Variants in AIG1 observed in about 807,000 individuals in gnomAD.
The protein encoded by AIG1 is androgen induced 1.
In AIG1, 23 loss-of-function variants were observed where a neutral mutation model predicts 31.4. The observed-to-expected ratio is 0.73, with a 90% CI of 0.53 to 1.04. AIG1 has a LOEUF of 1.04. AIG1 is among the 50% of genes least tolerant of loss of function. AIG1 has a pLI of 0.00. For missense variants in AIG1, 274 were observed against 295.0 expected, an observed-to-expected ratio of 0.93 and a Z score of 0.52; for synonymous variants, 100 against 110.5, an observed-to-expected ratio of 0.90 and a Z score of 0.60.
At chr6:143,102,752 A>C (rs1259590311) in intron 1 of AIG1, among the ~76,000 whole-genome samples, 1 of 151,964 alleles carries the variant, frequency 6.6e-6, no homozygotes, top group African/African-American at 2.4e-5. Flanking sequence ...TGACTTAATA[A>C]AATTAAAAAG....
In AIG1 at chr6:143,287,748, A is replaced by C. The variant is rs905824904; in HGVS notation, c.515+3523A>C. ...ATGCCTGACTACAGTAAAAAAAAAA[A>C]AAAAAAAAAAAAAAAATCTATATTT... On this transcript the variant is annotated intron_variant, in intron 4 of 5. Coordinates refer to ENST00000357847, the MANE Select transcript of AIG1 (RefSeq NM_016108.4). Among the ~76,000 whole-genome samples the C allele has an allele frequency of 6.3e-4, 95 of 150,796 alleles. No homozygotes were observed. In the South Asian group the frequency reaches 0.014, roughly 22 times the overall value.
intron 1 of AIG1, among the ~76,000 whole-genome samples, chr6:143,076,821 AC>A (rs1317713942): frequency 4.6e-5 from 7 of 151,484 alleles, no homozygotes; most frequent in Admixed American, 4.6e-4. Context: ...GCAGGCACCT[AC>A]CACCACGCCC....
At chr6:143,125,731 G>A (rs577705148) in intron 1 of AIG1, among the ~76,000 whole-genome samples, 1 of 152,280 alleles carries the variant, frequency 6.6e-6, no homozygotes, top group African/African-American at 2.4e-5. Flanking sequence ...TCTTTAGACG[G>A]TTGTTGTTCT....
intron 2 of AIG1, among the ~76,000 whole-genome samples, chr6:143,153,782 T>C (rs1239232005): frequency 6.6e-6 from 1 of 152,174 alleles, no homozygotes; most frequent in Non-Finnish European, 1.5e-5. Context: ...GCCTTTAGTT[T>C]CTTCTAGAAT....
At chr6:143,072,618 G>A (rs1262895415) in intron 1 of AIG1, among the ~76,000 whole-genome samples, 1 of 151,836 alleles carries the variant, frequency 6.6e-6, no homozygotes, top group Non-Finnish European at 1.5e-5. Flanking sequence ...GATCAGTTGA[G>A]TAAGTTTCTT....
intron 1 of AIG1, among the ~76,000 whole-genome samples, chr6:143,068,204 T>C (rs549152090): frequency 6.6e-6 from 1 of 152,070 alleles, no homozygotes; most frequent in East Asian, 1.9e-4. Context: ...TGGTAACTGC[T>C]CTTGAGGGTT....
rs1797859820 is a variant in AIG1 at position 143,288,732 on chromosome 6, G to A, written c.515+4507G>A. On this transcript the variant is annotated intron_variant, in intron 4 of 5. Coordinates refer to ENST00000357847, the MANE Select transcript of AIG1 (RefSeq NM_016108.4). The surrounding 1 kb of genome is among the most constrained non-coding windows in gnomAD (Gnocchi z 4.4). ...ACCATGGCCCAGGAAACAGTCTCAA[G>A]AGGTCCTGAGAAAGTGTGCCCAAGA... is the stretch of plus-strand genomic sequence containing the variant. Among the ~76,000 whole-genome samples, 1 of 152,198 alleles carries A rather than the reference G, an allele frequency of 6.6e-6. No individual in the cohort carries two copies. Among genetic ancestry groups the A allele is most frequent in the Non-Finnish European group, 1.5e-5 (1 of 68,048 alleles).
At chr6:143,342,429 C>T (rs960235844), downstream of AIG1, 5 of 753,980 alleles carry the variant, frequency 6.6e-6, no homozygotes, top group African/African-American at 8.6e-5. Flanking sequence ...TAAGGTTGAA[C>T]CTCGAAGATC....
In AIG1 at chr6:143,292,975, T is replaced by C. The variant is rs768439759; in HGVS notation, c.515+8750T>C. Reference sequence around the variant, plus strand: ...TAGATCTTTGAAGTTAGATGCTCCTTGTTTAGTTCCCGTCTTCCTCGGGTC... The same window carrying C: ...TAGATCTTTGAAGTTAGATGCTCCTCGTTTAGTTCCCGTCTTCCTCGGGTC... On this transcript the variant is annotated intron_variant, in intron 4 of 5. Transcript: ENST00000357847. The surrounding 1 kb of genome is among the most constrained non-coding windows in gnomAD (Gnocchi z 4.9). Among the ~76,000 whole-genome samples, 1 of 152,212 alleles carries C rather than the reference T, an allele frequency of 6.6e-6. No individual in the cohort carries two copies. Among genetic ancestry groups the C allele is most frequent in the Non-Finnish European group, 1.5e-5 (1 of 68,042 alleles).
chr6:143,314,622 T>C (rs1775581576), intron 4 of AIG1, among the ~76,000 whole-genome samples: 1 of 152,140 alleles, frequency 6.6e-6, no homozygotes, highest in Non-Finnish European at 1.5e-5. Context: ...GCACAGGATC[T>C]ATATGCAATA....
chr6:143,302,934 G>A (rs1026659509), intron 4 of AIG1, among the ~76,000 whole-genome samples: 1 of 152,058 alleles, frequency 6.6e-6, no homozygotes, highest in African/African-American at 2.4e-5. Flanking sequence ...GTGTGAAATG[G>A]TATCTCATTG....
chr6:143,317,724 T>C (rs1057485926), intron 4 of AIG1, among the ~76,000 whole-genome samples: 4 of 148,118 alleles, frequency 2.7e-5, no homozygotes, highest in Middle Eastern at 3.4e-3. Flanking sequence ...GCTGATGATA[T>C]GATTGTATAC....
intron 3 of AIG1, among the ~76,000 whole-genome samples, chr6:143,238,660 T>C (rs1442592406): frequency 2.0e-5 from 3 of 152,184 alleles, no homozygotes; most frequent in Non-Finnish European, 2.9e-5. Context: ...ATAGAGTTGG[T>C]TGGAAGCAGA....
chr6:143,060,862 G>T, upstream of AIG1: 1 of 1,146,864 alleles, frequency 8.7e-7, no homozygotes, highest in Non-Finnish European at 1.1e-6. Flanking sequence ...CCGCCCCCGC[G>T]CGCCCGGCGC....
At chr6:143,175,994 G>T (rs1424288589) in intron 3 of AIG1, among the ~76,000 whole-genome samples, 1 of 152,148 alleles carries the variant, frequency 6.6e-6, no homozygotes, top group Non-Finnish European at 1.5e-5. Flanking sequence ...GGTCCCTCAG[G>T]GTGCTCCCGT....
chr6:143,232,672 T>C (rs577965648), intron 3 of AIG1, among the ~76,000 whole-genome samples: 2 of 152,348 alleles, frequency 1.3e-5, no homozygotes, highest in East Asian at 3.9e-4. Flanking sequence ...CATAACCTGC[T>C]AATAACTGAG....
chr6:143,157,218 T>C (rs1384499222), intron 2 of AIG1, among the ~76,000 whole-genome samples: 1 of 152,232 alleles, frequency 6.6e-6, no homozygotes, highest in Admixed American at 6.5e-5. Context: ...TTTGCCCTGA[T>C]AAAGAGTACT....
chr6:143,226,051 A>G (rs1792920569), intron 3 of AIG1, among the ~76,000 whole-genome samples: 1 of 152,188 alleles, frequency 6.6e-6, no homozygotes, highest in Non-Finnish European at 1.5e-5. Flanking sequence ...CAAAGAGATC[A>G]TTTGTAATTG....
In AIG1 at chr6:143,329,161, A is replaced by G. The variant is rs186715722; in HGVS notation, c.516-4121A>G. Among the ~76,000 whole-genome samples the G allele has an allele frequency of 2.0e-5, 3 of 152,374 alleles. No individual in the cohort carries two copies. Among genetic ancestry groups the G allele is most frequent in the East Asian group, 3.9e-4 (2 of 5,192 alleles). On this transcript the variant is annotated intron_variant, in intron 4 of 5. Coordinates refer to ENST00000357847, the MANE Select transcript of AIG1 (RefSeq NM_016108.4). This position sits in a 1 kb window ranked among gnomAD's most constrained non-coding sequence, Gnocchi z 4.9. ...GATGGTTTGATGACCTAACAAGTTA[A>G]GAAAACCAAACCAAAACAAACAAGA...
Sources: allele counts gnomAD v4.1 joint callset (sites outside exome capture counted in the v4.1 genomes callset), GRCh38; gene constraint gnomAD v4.1.1; non-coding constraint Gnocchi (gnomAD v3.1); transcripts MANE v1.5; gene names NCBI Gene and HGNC (gene_info 2026-07-23, HGNC 2026-07-21).